MTPN: variants seen among roughly 807,000 people sequenced by gnomAD.
MTPN encodes granule cell differentiation protein.
MTPN carries 2 observed loss-of-function variants against 13.5 expected under a neutral mutation model. The ratio of observed to expected loss-of-function variants is 0.15; its 90% CI spans 0.06 to 0.47. MTPN has a LOEUF of 0.47. Ranked by LOEUF, MTPN falls within the 20% of genes least tolerant of loss-of-function variation. MTPN has a pLI of 0.97. For synonymous variants in MTPN, 46 were observed against 51.7 expected (o/e 0.89, Z 0.48); for missense variants, 79 against 137.9 (o/e 0.57, Z 2.14).
At chr7:135,958,053 T>C (rs1290826121) in intron 1 of MTPN, among the ~76,000 whole-genome samples, 1 of 124,374 alleles carries the variant, frequency 8.0e-6, no homozygotes, top group Non-Finnish European at 1.7e-5. Context: ...CGTGGCATTT[T>C]AGGACTGGGC....
intron 3 of MTPN, among the ~76,000 whole-genome samples, chr7:135,938,824 A>G (rs1433154147): frequency 6.6e-6 from 1 of 152,224 alleles, no homozygotes; most frequent in Non-Finnish European, 1.5e-5. Context: ...GTGTAAGGAC[A>G]ATTAACCAAA....
chr7:135,965,479 C>T (rs10245673), intron 1 of MTPN, among the ~76,000 whole-genome samples: 3,029 of 152,048 alleles, frequency 0.02, 100 homozygotes, highest in African/African-American at 0.07. Context: ...GGTCCATATG[C>T]TTTTATATTG....
intron 1 of MTPN, 33 bp downstream of exon 1, chr7:135,976,996 G>A (rs1164101880): frequency 3.0e-6 from 4 of 1,353,412 alleles, no homozygotes; most frequent in African/African-American, 3.2e-5. Flanking sequence ...GCCCACCTCC[G>A]TGTTCTCGCC....
intron 1 of MTPN, among the ~76,000 whole-genome samples, chr7:135,953,564 G>A (rs1392991134): frequency 6.6e-6 from 1 of 152,030 alleles, no homozygotes; most frequent in African/African-American, 2.4e-5. Flanking sequence ...CAGAAATACG[G>A]TTAGCTATTA....
intron 1 of MTPN, among the ~76,000 whole-genome samples, chr7:135,954,440 T>C (rs568839759): frequency 6.6e-6 from 1 of 152,342 alleles, no homozygotes; most frequent in Non-Finnish European, 1.5e-5. Context: ...TAGTCTTTAT[T>C]CACAACTACA....
At position 135,969,093 on chromosome 7, in the gene MTPN, G is replaced by T. The variant is rs1174814127; in HGVS notation, c.72+7936C>A. On this transcript the variant is annotated intron_variant, in intron 1 of 3. Transcript: ENST00000393085. Reference sequence around the variant, plus strand: ...CTCTGGGGACTGTTGTGGGGTGGGGGGGGGGGAGGAGGGAGGGATAGCATT... The same window carrying T: ...CTCTGGGGACTGTTGTGGGGTGGGGTGGGGGGAGGAGGGAGGGATAGCATT... Among the ~76,000 whole-genome samples the T allele has an allele frequency of 1.1e-3, 124 of 108,670 alleles. 3 individuals are homozygous for T. Among genetic ancestry groups the T allele is most frequent in the Non-Finnish European group, 1.8e-3 (94 of 51,566 alleles). 71.3% of individuals were successfully genotyped at this position (108,670 alleles called of 152,430 possible). A position where few individuals can be genotyped will look rare whatever the true frequency, so the allele number is the denominator to read the frequency against.
chr7:135,967,460 T>C (rs924179242), intron 1 of MTPN, among the ~76,000 whole-genome samples: 1 of 152,138 alleles, frequency 6.6e-6, no homozygotes, highest in Non-Finnish European at 1.5e-5. Flanking sequence ...GCAAACACAA[T>C]GGTGTAGCGG....
intron 1 of MTPN, among the ~76,000 whole-genome samples, chr7:135,959,222 A>G (rs2116390361): frequency 6.6e-6 from 1 of 152,284 alleles, no homozygotes; most frequent in East Asian, 1.9e-4. Flanking sequence ...ACTTATTCTA[A>G]TTCTAGACAT....
At chr7:135,973,404 C>T (rs989256941) in intron 1 of MTPN, among the ~76,000 whole-genome samples, 1 of 151,422 alleles carries the variant, frequency 6.6e-6, no homozygotes, top group Non-Finnish European at 1.5e-5. Context: ...AGGAAAATTT[C>T]CCAGTTTCCA....
chr7:135,927,312 T>C lies in MTPN; in HGVS notation c.*2614A>G. 6.4e-7 allele frequency: 1 copy of C among 1,550,600 alleles called. No homozygotes were observed. The highest frequency in any genetic ancestry group is 8.7e-7 in the Non-Finnish European group (1 of 1,146,648). On this transcript the variant is annotated 3_prime_UTR_variant, in exon 4 of 4. Coordinates refer to ENST00000393085, the MANE Select transcript of MTPN (RefSeq NM_145808.4). ...CTATGCGTAGAAGAACTACTTGGGA[T>C]ATTCAAGTGCTGTATTTGAACGATA...
chr7:135,938,008 A>T (rs1248276971), intron 3 of MTPN, among the ~76,000 whole-genome samples: 2 of 152,120 alleles, frequency 1.3e-5, no homozygotes, highest in African/African-American at 4.8e-5. Flanking sequence ...GTAAGCTATT[A>T]GTTTTTTGGG....
At position 135,940,864 on chromosome 7, in the gene MTPN, ACACT is replaced by A. The variant is rs372727206; in HGVS notation, c.270+9731_270+9734del. On this transcript the variant is annotated intron_variant, in intron 3 of 3. Transcript: ENST00000393085. ...CTGACACCACAGCATCTTTTCATAG[ACACT>A]CAATTCACAAGTCCATTCTGTGAAT... 3.1e-3 allele frequency among the ~76,000 whole-genome samples: 473 copies of A among 152,348 alleles called. 1 individual carries two copies. Among genetic ancestry groups the A allele is most frequent in the African/African-American group, 0.011 (450 of 41,584 alleles).
chr7:135,939,645 A>G (rs1799177734), intron 3 of MTPN, among the ~76,000 whole-genome samples: 2 of 142,348 alleles, frequency 1.4e-5, no homozygotes, highest in African/African-American at 2.6e-5. Flanking sequence ...CAGCGGAGCC[A>G]GTCACTTAGC....
chr7:135,969,238 T>TA (rs57871609), intron 1 of MTPN, among the ~76,000 whole-genome samples: 113 of 109,106 alleles, frequency 1.0e-3, no homozygotes, highest in Non-Finnish European at 1.2e-3. Context: ...TAAAGTATAA[T>TA]AAAAAAAAAA....
chr7:135,973,768 A>G (rs1173287892), intron 1 of MTPN, among the ~76,000 whole-genome samples: 1 of 152,172 alleles, frequency 6.6e-6, no homozygotes, highest in Non-Finnish European at 1.5e-5. Context: ...ATACTACTAT[A>G]AAAGTATGAA....
intron 3 of MTPN, among the ~76,000 whole-genome samples, chr7:135,934,139 C>A (rs71539478): frequency 0.016 from 2,456 of 152,270 alleles, 30 homozygotes; most frequent in African/African-American, 0.037. Flanking sequence ...AGTGTAAGAA[C>A]AGACTAATTC....
intron 3 of MTPN, among the ~76,000 whole-genome samples, chr7:135,940,668 T>G (rs1799194796): frequency 6.6e-6 from 1 of 152,198 alleles, no homozygotes; most frequent in African/African-American, 2.4e-5. Flanking sequence ...AATTTTGTAT[T>G]CTATACCACA....
rs748960752 is a variant in MTPN at position 135,928,283 on chromosome 7, T to G, written c.*1643A>C. Reference sequence around the variant, plus strand: ...GCCACAGGATTAAAAAAAGGACTCATGGGGAAAAATACACACACACACCCA... The same window carrying G: ...GCCACAGGATTAAAAAAAGGACTCAGGGGGAAAAATACACACACACACCCA... On this transcript the variant is annotated 3_prime_UTR_variant, in exon 4 of 4. Coordinates refer to ENST00000393085, the MANE Select transcript of MTPN (RefSeq NM_145808.4). 6.0e-6 allele frequency: 1 copy of G among 166,834 alleles called. No individual in the cohort carries two copies. The highest frequency in any genetic ancestry group is 1.5e-5 in the Non-Finnish European group (1 of 68,212). 10.3% of individuals were successfully genotyped at this position (166,834 alleles called of 1,614,324 possible).
At chr7:135,960,690 AAACTT>A (rs762913305) in intron 1 of MTPN, 15 of 152,072 alleles carry the variant, frequency 9.9e-5, no homozygotes, top group Non-Finnish European at 1.9e-4. Flanking sequence ...TCAATATAAG[AAACTT>A]AACTTTAGTG....
Sources: gnomAD v4.1 joint callset for allele counts (sites outside exome capture counted in the v4.1 genomes callset) on GRCh38, gnomAD v4.1.1 for gene constraint, MANE v1.5 for transcripts, NCBI Gene and HGNC (gene_info 2026-07-23, HGNC 2026-07-21) for gene names.